The following TBC1D22A variants were observed in gnomAD, a reference collection of about 807,000 sequenced individuals.
TBC1D22A encodes the protein TBC1 domain family member 22A.
A neutral mutation model predicts 60.2 loss-of-function variants in TBC1D22A; 38 were observed. The observed-to-expected ratio is 0.63, with a 90% CI of 0.49 to 0.83. The LOEUF is 0.83. TBC1D22A is among the 40% of genes least tolerant of loss of function. TBC1D22A has a pLI of 0.00. For missense variants in TBC1D22A, 628 were observed against 701.0 expected (o/e 0.90, Z 1.18); for synonymous variants, 302 against 281.7 (o/e 1.07, Z -0.72).
chr22:46,942,540 G>A lies in TBC1D22A; in HGVS notation c.1015+30352G>A, dbSNP rs570199482. On this transcript the variant is annotated intron_variant, in intron 8 of 12. Transcript: ENST00000337137. ...ATAGTATTCAAGAAGGATTCAAACC[G>A]CGTTAATATTAAAGAGCTTTTCGGA... 1.2e-4 allele frequency among the ~76,000 whole-genome samples: 19 copies of A among 152,272 alleles called. 1 individual carries two copies. Among genetic ancestry groups the A allele is most frequent in the Admixed American group, 3.9e-4 (6 of 15,300 alleles).
At chr22:47,080,015 A>G (rs796500038) in intron 11 of TBC1D22A, among the ~76,000 whole-genome samples, 2 of 152,244 alleles carry the variant, frequency 1.3e-5, no homozygotes, top group Admixed American at 6.5e-5. Flanking sequence ...ATACTTTGGC[A>G]TACTACCACA....
chr22:46,768,576 C>T (rs897208397), intron 1 of TBC1D22A, among the ~76,000 whole-genome samples: 1 of 152,022 alleles, frequency 6.6e-6, no homozygotes, highest in African/African-American at 2.4e-5. Context: ...ACTCTCTTGG[C>T]TCCCGAAGGG....
In TBC1D22A at chr22:47,166,606, A is replaced by G. The variant is rs557491543; in HGVS notation, c.1426-6892A>G. ...TACGCTTCTCTGCATAGTGCTGGAC[A>G]CTGTCTCTTTTCTTGTTTATTTCTC... On this transcript the variant is annotated intron_variant, in intron 12 of 12. Transcript: ENST00000337137. Among the ~76,000 whole-genome samples, 12 of 152,330 alleles carry G rather than the reference A, an allele frequency of 7.9e-5. No individual in the cohort carries two copies. In the East Asian group the frequency reaches 2.3e-3, roughly 29 times the overall value.
At chr22:47,054,518 C>CT (rs1254513043) in intron 11 of TBC1D22A, among the ~76,000 whole-genome samples, 1 of 152,236 alleles carries the variant, frequency 6.6e-6, no homozygotes, top group Non-Finnish European at 1.5e-5. Context: ...GCTTGGGCGC[C>CT]TTTCTGTGGC....
intron 8 of TBC1D22A, among the ~76,000 whole-genome samples, chr22:46,924,113 C>T (rs2070911419): frequency 1.3e-5 from 2 of 152,172 alleles, no homozygotes; most frequent in Admixed American, 6.5e-5. Context: ...TTTAGCAGAG[C>T]AAGAAACAAA....
intron 12 of TBC1D22A, among the ~76,000 whole-genome samples, chr22:47,138,337 G>A (rs1325462810): frequency 6.6e-6 from 1 of 152,192 alleles, no homozygotes. Flanking sequence ...ACCGTGGACA[G>A]TGATGGACCT....
rs1569469880 is a variant in TBC1D22A, at chr22:47,142,357, A to ACCCACCTATTCTTCCATCCATCCG, written c.1425+30760_1425+30761insTATTCTTCCATCCATCCGCCCACC. On this transcript the variant is annotated intron_variant, in intron 12 of 12. Coordinates refer to ENST00000337137, the MANE Select transcript of TBC1D22A (RefSeq NM_014346.5). The stretch of plus-strand genomic sequence containing the variant: ...CAGCCACCCACCCATCCATCCACCC[A>ACCCACCTATTCTTCCATCCATCCG]CCCACCCATTCTTCCATCCATCCGC... Among the ~76,000 whole-genome samples, 95 of 67,414 alleles carry ACCCACCTATTCTTCCATCCATCCG rather than the reference A, an allele frequency of 1.4e-3. 1 individual carries two copies. The highest frequency in any genetic ancestry group is 5.5e-3 in the African/African-American group (91 of 16,402). The allele number at this position is 67,414 out of a possible 152,430, so 44.2% of individuals were successfully genotyped here. A position where few individuals can be genotyped will look rare whatever the true frequency, so the allele number is the denominator to read the frequency against.
chr22:46,861,392 G>A (rs1156682874), intron 4 of TBC1D22A, among the ~76,000 whole-genome samples: 1 of 152,116 alleles, frequency 6.6e-6, no homozygotes, highest in African/African-American at 2.4e-5. Context: ...TGTGGCCAGC[G>A]TCTAGCCCAG....
At chr22:46,855,701 C>T (rs1176223865) in intron 4 of TBC1D22A, among the ~76,000 whole-genome samples, 1 of 152,140 alleles carries the variant, frequency 6.6e-6, no homozygotes, top group Admixed American at 6.5e-5. Flanking sequence ...CAAGATAAAG[C>T]AGGCCTGACC....
intron 10 of TBC1D22A, among the ~76,000 whole-genome samples, chr22:47,006,234 C>T (rs2061589080): frequency 6.6e-6 from 1 of 152,186 alleles, no homozygotes; most frequent in African/African-American, 2.4e-5. Flanking sequence ...TGTTGGTGGC[C>T]AAGGACTTCG....
chr22:46,826,519 C>T (rs529277260), intron 4 of TBC1D22A, among the ~76,000 whole-genome samples: 2 of 152,252 alleles, frequency 1.3e-5, no homozygotes, highest in East Asian at 1.9e-4. Flanking sequence ...ATTTCCTGAG[C>T]GGATTTTTCG....
At chr22:46,957,713 C>T (rs1340535227) in intron 8 of TBC1D22A, among the ~76,000 whole-genome samples, 2 of 152,234 alleles carry the variant, frequency 1.3e-5, no homozygotes, top group Non-Finnish European at 2.9e-5. Context: ...CTGAGTGGGG[C>T]CTTCCAGCGC....
chr22:46,792,680 G>A, intron 2 of TBC1D22A, 104 bp downstream of exon 2: 1 of 1,607,148 alleles, frequency 6.2e-7, no homozygotes. Flanking sequence ...ATTCCTCAGG[G>A]AGGAGACTGG....
chr22:47,072,014 G>A (rs1026902253), intron 11 of TBC1D22A, among the ~76,000 whole-genome samples: 1 of 152,184 alleles, frequency 6.6e-6, no homozygotes, highest in African/African-American at 2.4e-5. Context: ...CTTTACGAGT[G>A]TTATTCTAGA....
At chr22:47,142,141 G>A (rs960591613) in intron 12 of TBC1D22A, among the ~76,000 whole-genome samples, 1 of 152,080 alleles carries the variant, frequency 6.6e-6, no homozygotes, top group African/African-American at 2.4e-5. Context: ...TGGGACCTGT[G>A]GAGCCTACTT....
At chr22:47,059,245 A>C (rs999812889) in intron 11 of TBC1D22A, among the ~76,000 whole-genome samples, 6 of 152,230 alleles carry the variant, frequency 3.9e-5, no homozygotes, top group African/African-American at 1.4e-4. Flanking sequence ...CCAGGGTCCT[A>C]CTGGGCATCT....
Position 46,793,615 on chromosome 22 carries a change from C to T in TBC1D22A, c.234C>T (p.Asp78=), listed in dbSNP as rs758848470. Residue 78 remains aspartate, a synonymous_variant, in exon 3 of 13, where the codon GAC becomes GAT. Coordinates refer to ENST00000337137, the MANE Select transcript of TBC1D22A (RefSeq NM_014346.5). ...TSDAWDAGED[D]DELLAMAAES... ...ATGCCTGGGACGCTGGGGAGGACGA[C>T]GATGAGCTCCTGGCCATGGCGGCGG... 64 of 1,613,782 alleles carry T rather than the reference C, an allele frequency of 4.0e-5. No individual in the cohort carries two copies. Among genetic ancestry groups the T allele is most frequent in the Non-Finnish European group, 5.0e-5 (59 of 1,180,052 alleles).
chr22:47,121,727 T>C (rs1244918335), intron 12 of TBC1D22A, among the ~76,000 whole-genome samples: 1 of 149,658 alleles, frequency 6.7e-6, no homozygotes. Flanking sequence ...TTTTTTTTTT[T>C]GTATTTTGCA....
chr22:46,900,616 G>GA (rs1242794920), intron 7 of TBC1D22A, among the ~76,000 whole-genome samples: 3 of 152,148 alleles, frequency 2.0e-5, no homozygotes, highest in Non-Finnish European at 4.4e-5. Flanking sequence ...CCCTTTTGTA[G>GA]AATTTCATAT....
Sources: gnomAD v4.1 joint callset for allele counts (sites outside exome capture counted in the v4.1 genomes callset) on GRCh38, gnomAD v4.1.1 for gene constraint, MANE v1.5 for transcripts, NCBI Gene and HGNC (gene_info 2026-07-23, HGNC 2026-07-21) for gene names.